Variants in POLR2D observed in about 807,000 individuals in gnomAD.
POLR2D encodes RNA polymerase II subunit D, also known as DNA-directed RNA polymerase II subunit RPB4.
POLR2D carries 10 observed loss-of-function variants against 17.6 expected under a neutral mutation model. The observed-to-expected ratio is 0.57, with a 90% CI of 0.35 to 0.96. The LOEUF is 0.96. Among genes scored for constraint, POLR2D ranks in the 40% least tolerant of loss-of-function variants. POLR2D has a pLI of 0.02. For missense variants in POLR2D, 126 were observed against 176.4 expected (o/e 0.71, Z 1.62); for synonymous variants, 52 against 60.2 (o/e 0.86, Z 0.63).
rs1690156951 is a variant in POLR2D, at chr2:127,846,396, C to CA, written c.*1710dup. On this transcript the variant is annotated 3_prime_UTR_variant, in exon 4 of 4. Coordinates refer to ENST00000272645, the MANE Select transcript of POLR2D (RefSeq NM_004805.4). The stretch of plus-strand genomic sequence containing the variant: ...TTCATACAGAGTCAAGCAAGTGCCC[C>CA]AAAGAAAAACCCCAAAATTGAAAAC... 6.6e-6 allele frequency: 1 copy of CA among 152,102 alleles called. No homozygotes were observed. Among genetic ancestry groups the CA allele is most frequent in the South Asian group, 2.1e-4 (1 of 4,820 alleles). The allele number at this position is 152,102 out of a possible 1,614,324, so 9.4% of individuals were successfully genotyped here.
intron 1 of POLR2D, among the ~76,000 whole-genome samples, chr2:127,855,807 A>G (rs147037052): frequency 0.062 from 9,486 of 152,108 alleles, 375 homozygotes; most frequent in Middle Eastern, 0.19. Context: ...GCACATACAC[A>G]CACACACACA....
chr2:127,850,761 G>GA, intron 2 of POLR2D, 76 bp from the exon 3 acceptor site: 2 of 737,504 alleles, frequency 2.7e-6, no homozygotes, highest in Admixed American at 2.5e-5. Context: ...TAATCAACAG[G>GA]AAAAAAGGGA....
chr2:127,849,470 A>T (rs17015615), intron 3 of POLR2D, among the ~76,000 whole-genome samples: 31 of 152,222 alleles, frequency 2.0e-4, no homozygotes, highest in Non-Finnish European at 2.9e-4. Context: ...TTTAAAAAAA[A>T]TTTGTTTTGC....
intron 3 of POLR2D, among the ~76,000 whole-genome samples, chr2:127,850,243 C>G (rs1410784960): frequency 6.6e-6 from 1 of 151,996 alleles, no homozygotes; most frequent in Non-Finnish European, 1.5e-5. Flanking sequence ...GAGTTCGCGA[C>G]TAGCCTGACC....
intron 1 of POLR2D, among the ~76,000 whole-genome samples, chr2:127,855,819 ACAC>A (rs1160929006): frequency 6.6e-6 from 1 of 152,316 alleles, no homozygotes; most frequent in East Asian, 1.9e-4. Context: ...ACACACACAC[ACAC>A]AATTTATTTA....
chr2:127,853,428 T>C (rs1040774226), intron 1 of POLR2D, among the ~76,000 whole-genome samples: 5 of 152,184 alleles, frequency 3.3e-5, no homozygotes, highest in African/African-American at 1.2e-4. Context: ...CTTCTGTCCA[T>C]ATGTACTCAA....
chr2:127,858,155 C>A lies in POLR2D; in HGVS notation c.-55G>T, dbSNP rs1057219495. On this transcript the variant is annotated 5_prime_UTR_variant, in exon 1 of 4. Transcript: ENST00000272645. ...CGCCGCCGGAAGCAGAAGCGCGGAGCAACGGCCGCGGAAGGGGCGTGGTCT... is the reference window on the plus strand; with the variant it reads ...CGCCGCCGGAAGCAGAAGCGCGGAGAAACGGCCGCGGAAGGGGCGTGGTCT... 3.5e-5 allele frequency: 46 copies of A among 1,327,406 alleles called. No homozygotes were observed. The Admixed American group carries it at 7.2e-4, about 21-fold the overall frequency. 82.2% of individuals were successfully genotyped at this position (1,327,406 alleles called of 1,614,324 possible). A position where few individuals can be genotyped will look rare whatever the true frequency, so the allele number is the denominator to read the frequency against.
In POLR2D at chr2:127,843,893, A is replaced by C. The variant is rs1690107868; in HGVS notation, c.*4214T>G. On this transcript the variant is annotated 3_prime_UTR_variant, in exon 4 of 4. Transcript: ENST00000272645. ...GAGGCGGAAACAGGTGGACTGCTAG[A>C]GGTCAGAAATTCCAGACCAGCCTGG... is the stretch of plus-strand genomic sequence containing the variant. 1 of 153,612 alleles carries C rather than the reference A, an allele frequency of 6.5e-6. No homozygotes were observed. Among genetic ancestry groups the C allele is most frequent in the African/African-American group, 2.4e-5 (1 of 41,354 alleles). The allele number at this position is 153,612 out of a possible 1,614,324, so 9.5% of individuals were successfully genotyped here.
chr2:127,847,109 A>G lies in POLR2D; in HGVS notation c.*998T>C, dbSNP rs768851178. 3 of 152,534 alleles carry G rather than the reference A, an allele frequency of 2.0e-5. No homozygotes were observed. Among genetic ancestry groups the G allele is most frequent in the Non-Finnish European group, 4.4e-5 (3 of 68,054 alleles). 9.4% of individuals were successfully genotyped at this position (152,534 alleles called of 1,614,324 possible). The stretch of plus-strand genomic sequence containing the variant: ...TCTTGGAGGTGCAGGCCCAAGAAAG[A>G]TGAAGTAAAAATCTTAATTTGAGGG... On this transcript the variant is annotated 3_prime_UTR_variant, in exon 4 of 4. Coordinates refer to ENST00000272645, the MANE Select transcript of POLR2D (RefSeq NM_004805.4).
At chr2:127,857,510 G>C (rs1337058220) in intron 1 of POLR2D, among the ~76,000 whole-genome samples, 1 of 152,202 alleles carries the variant, frequency 6.6e-6, no homozygotes, top group Non-Finnish European at 1.5e-5. Flanking sequence ...GCCTCTGTGG[G>C]AGGGTAGGGG....
chr2:127,847,931 T>C lies in POLR2D; in HGVS notation c.*176A>G, dbSNP rs1227283308. 3 of 632,310 alleles carry C rather than the reference T, an allele frequency of 4.7e-6. No individual in the cohort carries two copies. Among genetic ancestry groups the C allele is most frequent in the African/African-American group, 1.8e-5 (1 of 54,584 alleles). The allele number at this position is 632,310 out of a possible 1,614,324, so 39.2% of individuals were successfully genotyped here. ...GGCTGCTCCAAGATTCCATGTCACC[T>C]GGGCCTGTGAGTTATTTGAAACAGC... On this transcript the variant is annotated 3_prime_UTR_variant, in exon 4 of 4. Coordinates refer to ENST00000272645, the MANE Select transcript of POLR2D (RefSeq NM_004805.4).
At chr2:127,850,152 C>T (rs534300400) in intron 3 of POLR2D, among the ~76,000 whole-genome samples, 1 of 151,434 alleles carries the variant, frequency 6.6e-6, no homozygotes, top group South Asian at 2.1e-4. Context: ...GTTAAAAGGG[C>T]ACTTTTGGCT....
intron 1 of POLR2D, among the ~76,000 whole-genome samples, 194 bp from the exon 2 acceptor site, chr2:127,853,299 G>A (rs115198134): frequency 6.6e-6 from 1 of 152,276 alleles, no homozygotes; most frequent in Non-Finnish European, 1.5e-5. Flanking sequence ...GAAAATGGGT[G>A]TTGTGAAGGT....
In POLR2D at chr2:127,857,956, A is replaced by G. The variant is rs971868160; in HGVS notation, c.73+72T>C. ...GCCGCTGAGGCAGGGCCTTGGGCGA[A>G]GCGCGCATAACGCCAGGCCTGCGGC... is the stretch of plus-strand genomic sequence containing the variant. On this transcript the variant is annotated intron_variant, in intron 1 of 3. Transcript: ENST00000272645. The G allele has an allele frequency of 1.4e-5, 21 of 1,540,054 alleles. No individual in the cohort carries two copies. The African/African-American group carries it at 2.7e-4, about 20-fold the overall frequency.
At chr2:127,853,770 C>T (rs1002961638) in intron 1 of POLR2D, among the ~76,000 whole-genome samples, 2 of 152,108 alleles carry the variant, frequency 1.3e-5, no homozygotes, top group African/African-American at 4.8e-5. Flanking sequence ...AGGCTGGGAT[C>T]TCCTTCCTTT....
intron 1 of POLR2D, chr2:127,857,065 G>T (rs1690347181): frequency 6.6e-6 from 1 of 152,154 alleles, no homozygotes; most frequent in Admixed American, 6.5e-5. Context: ...ATGAATAAAA[G>T]AATAAGATAG....
At chr2:127,849,897 T>C (rs2104722890) in intron 3 of POLR2D, among the ~76,000 whole-genome samples, 1 of 152,188 alleles carries the variant, frequency 6.6e-6, no homozygotes, top group African/African-American at 2.4e-5. Flanking sequence ...AACAAAACAA[T>C]GCAGCAATGA....
chr2:127,848,480 G>C (rs929884782), intron 3 of POLR2D, among the ~76,000 whole-genome samples: 1 of 150,510 alleles, frequency 6.6e-6, no homozygotes, highest in Admixed American at 6.6e-5. Context: ...GCATGATCTC[G>C]GCTCACCAAA....
At chr2:127,848,393 C>T (rs1173332799) in intron 3 of POLR2D, among the ~76,000 whole-genome samples, 2 of 151,906 alleles carry the variant, frequency 1.3e-5, no homozygotes, top group African/African-American at 2.4e-5. Flanking sequence ...CAGTTAGCCC[C>T]ACTTGACTTA....
Sources: allele counts gnomAD v4.1 joint callset (sites outside exome capture counted in the v4.1 genomes callset), GRCh38; gene constraint gnomAD v4.1.1; transcripts MANE v1.5; gene names NCBI Gene and HGNC (gene_info 2026-07-23, HGNC 2026-07-21).